The following GRID2 variants were observed in gnomAD, a reference collection of about 807,000 sequenced individuals.
GRID2 encodes the protein glutamate ionotropic receptor delta type subunit 2.
GRID2 carries 33 observed loss-of-function variants against 114.8 expected under a neutral mutation model. That is an observed-to-expected ratio of 0.29 (90% CI 0.22 to 0.38). The LOEUF is 0.38. GRID2 is among the 10% of genes least tolerant of loss of function. The probability of loss-of-function intolerance (pLI) is 1.00; values close to 1 mark genes in which losing one functional copy is unlikely to be tolerated. For synonymous variants in GRID2, 505 were observed against 449.9 expected, an observed-to-expected ratio of 1.12 and a Z score of -1.55; for missense variants, 1,184 against 1,257.7, an observed-to-expected ratio of 0.94 and a Z score of 0.89.
chr4:92,943,244 T>A (rs1751319923), intron 2 of GRID2, among the ~76,000 whole-genome samples: 1 of 152,188 alleles, frequency 6.6e-6, no homozygotes, highest in African/African-American at 2.4e-5. Context: ...CATAGGCCCA[T>A]ATTTCTTGGG....
intron 1 of GRID2, among the ~76,000 whole-genome samples, chr4:92,408,536 G>A (rs182728415): frequency 1.4e-5 from 2 of 143,862 alleles, no homozygotes; most frequent in African/African-American, 2.6e-5. Context: ...TATTTTGATA[G>A]GGAGAGTGTT....
In GRID2 at chr4:93,232,095, T is replaced by A. The variant is rs549703196; in HGVS notation, c.1126-6276T>A. ...TGATTACCAGAGTGCAGAGAACACA[T>A]AAAATTGTTTTGACTGGAAAGTGAT... On this transcript the variant is annotated intron_variant, in intron 7 of 15. Coordinates refer to ENST00000282020, the MANE Select transcript of GRID2 (RefSeq NM_001510.4). 2.6e-5 allele frequency among the ~76,000 whole-genome samples: 4 copies of A among 152,262 alleles called. No individual in the cohort carries two copies. The East Asian group carries it at 7.7e-4, about 29-fold the overall frequency.
chr4:92,949,681 G>A (rs1223565316), intron 2 of GRID2, among the ~76,000 whole-genome samples: 2 of 151,354 alleles, frequency 1.3e-5, no homozygotes, highest in Non-Finnish European at 2.9e-5. Flanking sequence ...CACATTCTTC[G>A]GAGCACTCAA....
At chr4:92,890,354 T>G (rs947441753) in intron 2 of GRID2, among the ~76,000 whole-genome samples, 5 of 152,168 alleles carry the variant, frequency 3.3e-5, no homozygotes, top group Non-Finnish European at 5.9e-5. Context: ...ACAAAATTTT[T>G]GCAATCTATC....
intron 8 of GRID2, chr4:93,258,766 C>T: frequency 2.9e-6 from 1 of 348,812 alleles, no homozygotes; most frequent in Non-Finnish European, 5.7e-6. Flanking sequence ...TCATTTAAAG[C>T]TATAATTAAC....
At chr4:93,488,275 G>C (rs1726610446) in intron 11 of GRID2, among the ~76,000 whole-genome samples, 1 of 151,768 alleles carries the variant, frequency 6.6e-6, no homozygotes. Flanking sequence ...TTCAAAAGCT[G>C]GGCAAATAAT....
intron 13 of GRID2, among the ~76,000 whole-genome samples, chr4:93,577,800 G>A (rs1019089138): frequency 3.3e-5 from 5 of 152,176 alleles, no homozygotes; most frequent in African/African-American, 9.6e-5. Context: ...AGTTTTGTCA[G>A]CTTTCTGGAA....
intron 13 of GRID2, among the ~76,000 whole-genome samples, chr4:93,597,191 A>G (rs2149631446): frequency 6.6e-6 from 1 of 152,372 alleles, no homozygotes; most frequent in East Asian, 1.9e-4. Flanking sequence ...ACAACAAACA[A>G]TAAGCATATA....
At chr4:92,600,024 A>ATGTGTGTGTG (rs145357264) in intron 2 of GRID2, among the ~76,000 whole-genome samples, 23 of 79,662 alleles carry the variant, frequency 2.9e-4, no homozygotes, top group African/African-American at 1.1e-3. Flanking sequence ...TACTTCATGT[A>ATGTGTGTGTG]TGTGTGTGTG....
intron 4 of GRID2, among the ~76,000 whole-genome samples, 200 bp downstream of exon 4, chr4:93,111,153 T>G (rs1221256176): frequency 6.6e-6 from 1 of 152,180 alleles, no homozygotes; most frequent in Non-Finnish European, 1.5e-5. Flanking sequence ...TGAGAGTATT[T>G]GTGTTTATAT....
At chr4:93,011,594 G>C (rs961820468) in intron 2 of GRID2, among the ~76,000 whole-genome samples, 1 of 152,050 alleles carries the variant, frequency 6.6e-6, no homozygotes, top group African/African-American at 2.4e-5. Flanking sequence ...GAATTTAAAA[G>C]CTGTGTGTCA....
intron 14 of GRID2, among the ~76,000 whole-genome samples, chr4:93,729,782 C>A (rs1730312410): frequency 6.6e-6 from 1 of 152,140 alleles, no homozygotes; most frequent in African/African-American, 2.4e-5. Flanking sequence ...GAATCATTTT[C>A]TGAAACACCA....
At chr4:92,346,017 G>A (rs970042689) in intron 1 of GRID2, among the ~76,000 whole-genome samples, 5 of 152,100 alleles carry the variant, frequency 3.3e-5, no homozygotes, top group African/African-American at 7.2e-5. Context: ...AAGACATTTC[G>A]TGTCAAAAAG....
rs560823702 is a variant in GRID2 at position 92,526,722 on chromosome 4, G to A, written c.89-63409G>A. The stretch of plus-strand genomic sequence containing the variant: ...CATTAAAATAAACACCTATCTAATT[G>A]GCCACATGCACACACACACACACAC... On this transcript the variant is annotated intron_variant, in intron 1 of 15. Coordinates refer to ENST00000282020, the MANE Select transcript of GRID2 (RefSeq NM_001510.4). Among the ~76,000 whole-genome samples, 5 of 143,900 alleles carry A rather than the reference G, an allele frequency of 3.5e-5. No individual in the cohort carries two copies. In the East Asian group the frequency reaches 1.1e-3, roughly 31 times the overall value. 94.4% of individuals were successfully genotyped at this position (143,900 alleles called of 152,430 possible).
Position 92,667,012 on chromosome 4 carries a change from T to C in GRID2, c.244+76726T>C, listed in dbSNP as rs1474186329. On this transcript the variant is annotated intron_variant, in intron 2 of 15. Coordinates refer to ENST00000282020, the MANE Select transcript of GRID2 (RefSeq NM_001510.4). ...TCCTTACTGCCCACCCTGCCTCCCA[T>C]GAGTTGTATGAAAACTGCTCTAGTA... Among the ~76,000 whole-genome samples the C allele has an allele frequency of 3.3e-5, 5 of 151,458 alleles. No individual in the cohort carries two copies. The East Asian group carries it at 7.8e-4, about 24-fold the overall frequency.
chr4:92,743,742 A>T (rs983146648), intron 2 of GRID2, among the ~76,000 whole-genome samples: 2 of 152,086 alleles, frequency 1.3e-5, no homozygotes, highest in African/African-American at 2.4e-5. Context: ...TTTGATAATT[A>T]TATCTGTTTG....
At chr4:93,528,066 T>G (rs1193271408) in intron 13 of GRID2, among the ~76,000 whole-genome samples, 1 of 152,116 alleles carries the variant, frequency 6.6e-6, no homozygotes, top group East Asian at 1.9e-4. Flanking sequence ...CTAAATAATA[T>G]TCTGTTGTGT....
intron 14 of GRID2, among the ~76,000 whole-genome samples, chr4:93,676,241 G>A (rs770951803): frequency 1.3e-5 from 2 of 152,174 alleles, no homozygotes; most frequent in African/African-American, 2.4e-5. Context: ...TTAATGTGGA[G>A]AAATGTTTTG....
chr4:93,131,898 T>C (rs976680651), intron 4 of GRID2, among the ~76,000 whole-genome samples: 1 of 152,212 alleles, frequency 6.6e-6, no homozygotes, highest in African/African-American at 2.4e-5. Context: ...TAGGAACATC[T>C]GTTAGTTGCT....
Sources: gnomAD v4.1 joint callset for allele counts (sites outside exome capture counted in the v4.1 genomes callset) on GRCh38, gnomAD v4.1.1 for gene constraint, MANE v1.5 for transcripts, NCBI Gene and HGNC (gene_info 2026-07-23, HGNC 2026-07-21) for gene names.